SYT6: variants seen among roughly 807,000 people sequenced by gnomAD.
SYT6 encodes synaptotagmin-6.
SYT6 carries 24 observed loss-of-function variants against 38.4 expected under a neutral mutation model. The observed-to-expected ratio is 0.62, with a 90% CI of 0.45 to 0.88. The LOEUF (loss-of-function observed/expected upper bound fraction) is 0.88. Ranked by LOEUF, SYT6 falls within the 40% of genes least tolerant of loss-of-function variation. The pLI, the probability that SYT6 is intolerant of heterozygous loss-of-function variation, is 0.00. For synonymous variants in SYT6, 265 were observed against 241.9 expected (o/e 1.10, Z -0.89); for missense variants, 611 against 621.0 (o/e 0.98, Z 0.17).
chr1:114,119,961 C>T (rs1402810219), intron 3 of SYT6, among the ~76,000 whole-genome samples: 7 of 151,864 alleles, frequency 4.6e-5, no homozygotes, highest in African/African-American at 1.7e-4. Context: ...GTCCCAGCTA[C>T]TCGGGCGGCT....
chr1:114,153,604 C>A lies in SYT6; in HGVS notation c.163+6G>T, dbSNP rs186587292. On this transcript the variant is annotated splice_donor_region_variant and intron_variant, in intron 1 of 7. Coordinates refer to ENST00000610222, the MANE Select transcript of SYT6 (RefSeq NM_001253772.2). ...GGAAGGGAGGGGGCCCTGGGTCTCC[C>A]GTTACCTGCGCCTGCCGCGCTGGGA... The A allele has an allele frequency of 1.1e-4, 65 of 596,892 alleles. No homozygotes were observed. The highest frequency in any genetic ancestry group is 7.8e-4 in the Admixed American group (24 of 30,760). The allele number at this position is 596,892 out of a possible 1,614,324, so 37.0% of individuals were successfully genotyped here.
At chr1:114,121,096 T>G (rs1251991165) in intron 3 of SYT6, among the ~76,000 whole-genome samples, 1 of 152,218 alleles carries the variant, frequency 6.6e-6, no homozygotes, top group Non-Finnish European at 1.5e-5. Context: ...TGGCAGTCCC[T>G]GTGAGGTTGT....
At chr1:114,122,105 G>C (rs1677439487) in intron 3 of SYT6, among the ~76,000 whole-genome samples, 1 of 152,220 alleles carries the variant, frequency 6.6e-6, no homozygotes, top group South Asian at 2.1e-4. Flanking sequence ...AGGGTCTCAT[G>C]GATCCTGACT....
chr1:114,100,711 G>A (rs1450003881), intron 4 of SYT6, among the ~76,000 whole-genome samples: 1 of 152,180 alleles, frequency 6.6e-6, no homozygotes, highest in Non-Finnish European at 1.5e-5. Flanking sequence ...TTGAGAACCG[G>A]CATGAGGCTC....
intron 3 of SYT6, among the ~76,000 whole-genome samples, chr1:114,118,961 T>C (rs1028914254): frequency 6.6e-6 from 1 of 152,218 alleles, no homozygotes; most frequent in Non-Finnish European, 1.5e-5. Flanking sequence ...GTCTCCGTGA[T>C]CACTGCCCTC....
At position 114,150,886 on chromosome 1, in the gene SYT6, C is replaced by G. The variant is rs1679408246; in HGVS notation, c.163+2724G>C. On this transcript the variant is annotated intron_variant, in intron 1 of 7. Coordinates refer to ENST00000610222, the MANE Select transcript of SYT6 (RefSeq NM_001253772.2). ...CTTCCTGTGCAATTCCTAGCACAGA[C>G]TCTAGCCTATAGAGGAGTCTCAGCA... Among the ~76,000 whole-genome samples, 3 of 152,328 alleles carry G rather than the reference C, an allele frequency of 2.0e-5. No individual in the cohort carries two copies. In the South Asian group the frequency reaches 6.2e-4, roughly 32 times the overall value.
intron 1 of SYT6, among the ~76,000 whole-genome samples, chr1:114,153,364 T>TC (rs892566592): frequency 6.6e-6 from 1 of 152,036 alleles, no homozygotes; most frequent in Non-Finnish European, 1.5e-5. Context: ...GTCTGCGGGG[T>TC]CCCCCGCATT....
chr1:114,150,760 G>T (rs1642334484), intron 1 of SYT6, among the ~76,000 whole-genome samples: 1 of 152,182 alleles, frequency 6.6e-6, no homozygotes, highest in African/African-American at 2.4e-5. Flanking sequence ...GAGAATAGCA[G>T]GCCTATGGCT....
chr1:114,118,869 C>T (rs1398711037), intron 3 of SYT6, among the ~76,000 whole-genome samples: 2 of 152,194 alleles, frequency 1.3e-5, no homozygotes, highest in Non-Finnish European at 2.9e-5. Flanking sequence ...GGAAATAGCC[C>T]ATTCCCAGGC....
At chr1:114,106,197 A>T (rs2100996588) in intron 3 of SYT6, among the ~76,000 whole-genome samples, 1 of 152,284 alleles carries the variant, frequency 6.6e-6, no homozygotes, top group African/African-American at 2.4e-5. Flanking sequence ...TTCCCTTAAT[A>T]ACCCTTCAAG....
intron 2 of SYT6, among the ~76,000 whole-genome samples, chr1:114,138,691 G>C (rs1486771088): frequency 6.6e-6 from 1 of 152,236 alleles, no homozygotes; most frequent in Non-Finnish European, 1.5e-5. Context: ...GCTTAGAATA[G>C]AGCCAAGCAT....
intron 3 of SYT6, among the ~76,000 whole-genome samples, chr1:114,112,454 C>A (rs553501424): frequency 1.3e-5 from 2 of 152,214 alleles, no homozygotes; most frequent in Admixed American, 6.5e-5. Flanking sequence ...GTATTTCACA[C>A]GCACCATTAC....
At chr1:114,147,606 C>T (rs1448081980) in intron 1 of SYT6, among the ~76,000 whole-genome samples, 1 of 152,200 alleles carries the variant, frequency 6.6e-6, no homozygotes, top group Non-Finnish European at 1.5e-5. Context: ...AAACTGAACT[C>T]ACAGGTGCTC....
At chr1:114,117,486 C>T (rs1677071117) in intron 3 of SYT6, among the ~76,000 whole-genome samples, 1 of 152,216 alleles carries the variant, frequency 6.6e-6, no homozygotes, top group African/African-American at 2.4e-5. Context: ...GAAGAGGCAG[C>T]TGCCTTGGAG....
chr1:114,099,369 A>C (rs1035239677), intron 4 of SYT6, 104 bp from the exon 5 acceptor site: 1 of 1,155,250 alleles, frequency 8.7e-7, no homozygotes, highest in Non-Finnish European at 1.2e-6. Flanking sequence ...ACTGCTGCTC[A>C]TCAGATGGTA....
chr1:114,102,165 C>T (rs193100008), intron 4 of SYT6, among the ~76,000 whole-genome samples: 1 of 152,306 alleles, frequency 6.6e-6, no homozygotes, highest in East Asian at 1.9e-4. Context: ...TCCTATTTCC[C>T]TCAGCAGCCT....
chr1:114,135,600 C>T (rs1447247439), intron 3 of SYT6, among the ~76,000 whole-genome samples: 1 of 152,112 alleles, frequency 6.6e-6, no homozygotes, highest in African/African-American at 2.4e-5. Context: ...GGGGATGGGA[C>T]AAGGGCAGGA....
At position 114,101,599 on chromosome 1, in the gene SYT6, G is replaced by A. The variant is rs114274402; in HGVS notation, c.1192+2002C>T. On this transcript the variant is annotated intron_variant, in intron 4 of 7. Coordinates refer to ENST00000610222, the MANE Select transcript of SYT6 (RefSeq NM_001253772.2). ...GATCATTGAGAATAGGAAGATCCTG[G>A]GTTTTAGACATCAATGCCACACAAT... is the stretch of plus-strand genomic sequence containing the variant. 7.9e-3 allele frequency among the ~76,000 whole-genome samples: 1,199 copies of A among 152,264 alleles called. 15 individuals carry two copies. Among genetic ancestry groups the A allele is most frequent in the Non-Finnish European group, 0.012 (822 of 68,022 alleles).
At position 114,137,855 on chromosome 1, in the gene SYT6, T is replaced by C; in HGVS notation, c.711A>G (p.Leu237=). ...TKSCGKINFS[L]RYDYETETLI... ...GGGTCTCGGTCTCGTAATCGTAGCGTAGGCTGAAGTTGATCTTCCCGCAGC... is the reference window on the plus strand; with the variant it reads ...GGGTCTCGGTCTCGTAATCGTAGCGCAGGCTGAAGTTGATCTTCCCGCAGC... The change falls in exon 3 of 8, where the codon CTA becomes CTG. Residue 237 remains leucine (L), a synonymous_variant. Coordinates refer to ENST00000610222, the MANE Select transcript of SYT6 (RefSeq NM_001253772.2). 1.2e-6 allele frequency: 2 copies of C among 1,613,928 alleles called. No homozygotes were observed. The highest frequency in any genetic ancestry group is 1.7e-6 in the Non-Finnish European group (2 of 1,179,968).
Sources: gnomAD v4.1 joint callset for allele counts (sites outside exome capture counted in the v4.1 genomes callset) on GRCh38, gnomAD v4.1.1 for gene constraint, MANE v1.5 for transcripts, NCBI Gene and HGNC (gene_info 2026-07-23, HGNC 2026-07-21) for gene names.